IL1RAPL1: variants seen among roughly 807,000 people sequenced by gnomAD.
IL1RAPL1 encodes interleukin-1 receptor accessory protein-like 1.
IL1RAPL1 carries 3 observed loss-of-function variants against 48.4 expected under a neutral mutation model. That is an observed-to-expected ratio of 0.06 (90% CI 0.03 to 0.16). The LOEUF (loss-of-function observed/expected upper bound fraction) is 0.16, where lower values mean the gene tolerates loss of function less well. Ranked by LOEUF, IL1RAPL1 falls within the 10% of genes least tolerant of loss-of-function variation. IL1RAPL1 has a pLI of 1.00. For synonymous variants in IL1RAPL1, 185 were observed against 187.7 expected (o/e 0.99, Z 0.12); for missense variants, 349 against 530.6 (o/e 0.66, Z 3.36).
chrX:29,756,613 A>G (rs5972862), intron 6 of IL1RAPL1, among the ~76,000 whole-genome samples: 16,781 of 110,122 alleles, frequency 0.15, 1,382 homozygotes, highest in African/African-American at 0.31. Context: ...GGGTTTCACC[A>G]TGTTGGCCAG....
chrX:29,545,659 A>G (rs1311588250), intron 5 of IL1RAPL1, among the ~76,000 whole-genome samples: 1 of 112,141 alleles, frequency 8.9e-6, no homozygotes, highest in East Asian at 2.8e-4. Flanking sequence ...CTCTGCGTTA[A>G]ATGTTCACTT....
chrX:29,374,493 A>G (rs1933593673), intron 3 of IL1RAPL1, among the ~76,000 whole-genome samples: 1 of 109,587 alleles, frequency 9.1e-6, no homozygotes, highest in South Asian at 4.0e-4. Context: ...AGAAAGCTCA[A>G]TGAAGCTGCA....
In IL1RAPL1 at chrX:29,367,376, A is replaced by G. The variant is rs184999874; in HGVS notation, c.363-28882A>G. 3.8e-4 allele frequency among the ~76,000 whole-genome samples: 42 copies of G among 111,311 alleles called. No individual in the cohort carries two copies. In the East Asian group the frequency reaches 0.011, roughly 28 times the overall value. On this transcript the variant is annotated intron_variant, in intron 3 of 10. Coordinates refer to ENST00000378993, the MANE Select transcript of IL1RAPL1 (RefSeq NM_014271.4). The stretch of plus-strand genomic sequence containing the variant: ...GTGTTTGCAAAATAATAAGCACCAC[A>G]TGAATAATGCATTTGAAGAATATTG...
intron 6 of IL1RAPL1, among the ~76,000 whole-genome samples, chrX:29,670,935 T>G (rs754856763): frequency 1.3e-4 from 14 of 111,819 alleles, no homozygotes; most frequent in Non-Finnish European, 1.9e-4. Context: ...ATTCAGAGGT[T>G]TGCCTCCACT....
intron 5 of IL1RAPL1, among the ~76,000 whole-genome samples, chrX:29,606,356 A>G (rs1201441708): frequency 9.0e-6 from 1 of 111,657 alleles, no homozygotes; most frequent in Non-Finnish European, 1.9e-5. Context: ...CCTAATAGGC[A>G]GACAATAAAG....
chrX:29,093,285 T>A (rs1020109659), intron 2 of IL1RAPL1, among the ~76,000 whole-genome samples: 2 of 109,993 alleles, frequency 1.8e-5, no homozygotes, highest in African/African-American at 6.6e-5. Flanking sequence ...CTTACAATCA[T>A]GGTGGAAGGT....
At chrX:29,841,507 T>G (rs1456869743) in intron 6 of IL1RAPL1, among the ~76,000 whole-genome samples, 1 of 111,642 alleles carries the variant, frequency 9.0e-6, no homozygotes, top group Non-Finnish European at 1.9e-5. Flanking sequence ...TTTGATTTTC[T>G]TTTTGCAAGC....
chrX:29,074,443 C>T (rs225030), intron 2 of IL1RAPL1, among the ~76,000 whole-genome samples: 40,469 of 110,570 alleles, frequency 0.37, 6,652 homozygotes, highest in Non-Finnish European at 0.51. Context: ...TATTTGTCCA[C>T]GGTTATTATA....
intron 2 of IL1RAPL1, among the ~76,000 whole-genome samples, chrX:29,178,949 G>A (rs973265226): frequency 9.0e-6 from 1 of 111,514 alleles, no homozygotes; most frequent in East Asian, 2.8e-4. Context: ...TGTTCCATTG[G>A]TCTATATCTC....
At position 29,433,011 on chromosome X, in the gene IL1RAPL1, T is replaced by C. The variant is rs12833991; in HGVS notation, c.703+33703T>C. Reference sequence around the variant, plus strand: ...CTGCCCCGCTAAGGAGCTTTTTTAGTTATTTTTTCCTGCCTCATCTCCCCA... The same window carrying C: ...CTGCCCCGCTAAGGAGCTTTTTTAGCTATTTTTTCCTGCCTCATCTCCCCA... On this transcript the variant is annotated intron_variant, in intron 5 of 10. Transcript: ENST00000378993. 4.6e-5 allele frequency among the ~76,000 whole-genome samples: 5 copies of C among 108,962 alleles called. No individual in the cohort carries two copies. The Admixed American group carries it at 4.9e-4, about 11-fold the overall frequency. 94.6% of individuals were successfully genotyped at this position (108,962 alleles called of 115,157 possible).
At chrX:29,013,522 A>T (rs1241086959) in intron 2 of IL1RAPL1, among the ~76,000 whole-genome samples, 1 of 112,318 alleles carries the variant, frequency 8.9e-6, no homozygotes, top group African/African-American at 3.2e-5. Flanking sequence ...ACACCATGGA[A>T]TACTATGCAG....
chrX:28,949,359 A>C (rs1450885329), intron 2 of IL1RAPL1, among the ~76,000 whole-genome samples: 38 of 110,130 alleles, frequency 3.5e-4, no homozygotes, highest in African/African-American at 1.2e-3. Context: ...GTGTTTATAT[A>C]TTGTCAACAA....
At chrX:29,784,751 T>TA (rs1929453390) in intron 6 of IL1RAPL1, among the ~76,000 whole-genome samples, 1 of 110,920 alleles carries the variant, frequency 9.0e-6, no homozygotes. Context: ...TTGTTCCAGT[T>TA]AGTTAATTCT....
rs914546430 is a variant in IL1RAPL1 at position 29,150,320 on chromosome X, G to A, written c.83-132618G>A. ...CTTTCTTATCCGTTGTTCCTCTTGA[G>A]CTTTGCAACAGTACTAGGCAGACAG... On this transcript the variant is annotated intron_variant, in intron 2 of 10. Coordinates refer to ENST00000378993, the MANE Select transcript of IL1RAPL1 (RefSeq NM_014271.4). 6.3e-5 allele frequency among the ~76,000 whole-genome samples: 7 copies of A among 111,849 alleles called. No homozygotes were observed. The Admixed American group carries it at 6.7e-4, about 11-fold the overall frequency.
chrX:28,658,400 A>G (rs1366945647), intron 1 of IL1RAPL1, among the ~76,000 whole-genome samples: 1 of 111,360 alleles, frequency 9.0e-6, no homozygotes, highest in Non-Finnish European at 1.9e-5. Context: ...GTGTTTTAGT[A>G]GAAACGGGGT....
chrX:29,899,824 G>A (rs1455571712), intron 6 of IL1RAPL1, among the ~76,000 whole-genome samples: 3 of 111,671 alleles, frequency 2.7e-5, no homozygotes, highest in East Asian at 5.6e-4. Flanking sequence ...GATTACAGGC[G>A]TGAGCCACCA....
At chrX:29,815,409 T>A (rs1324763436) in intron 6 of IL1RAPL1, among the ~76,000 whole-genome samples, 1 of 111,831 alleles carries the variant, frequency 8.9e-6, no homozygotes, top group Non-Finnish European at 1.9e-5. Context: ...GAAGTGCTAT[T>A]AATTTTTATA....
At chrX:29,228,341 G>T (rs757760332) in intron 2 of IL1RAPL1, among the ~76,000 whole-genome samples, 3 of 99,236 alleles carry the variant, frequency 3.0e-5, no homozygotes, top group African/African-American at 1.1e-4. Flanking sequence ...TAGTGTGTGT[G>T]TGTGTGTGTG....
intron 6 of IL1RAPL1, among the ~76,000 whole-genome samples, chrX:29,733,859 CAG>C (rs1915095193): frequency 8.9e-6 from 1 of 112,688 alleles, no homozygotes; most frequent in South Asian, 3.6e-4. Flanking sequence ...TGATACATAA[CAG>C]GGATTTATTT....
Sources: allele counts gnomAD v4.1 joint callset (sites outside exome capture counted in the v4.1 genomes callset), GRCh38; gene constraint gnomAD v4.1.1; transcripts MANE v1.5; gene names NCBI Gene and HGNC (gene_info 2026-07-23, HGNC 2026-07-21).